Variants in MYO1D observed in about 807,000 individuals in gnomAD.
MYO1D encodes unconventional myosin-Id.
Under a neutral mutation model 122.0 loss-of-function variants are expected in MYO1D, and 83 were observed. That is an observed-to-expected ratio of 0.68 (90% CI 0.57 to 0.82). The LOEUF is 0.82. MYO1D is among the 40% of genes least tolerant of loss of function. The pLI is 0.00. For synonymous variants in MYO1D, 464 were observed against 446.9 expected, an observed-to-expected ratio of 1.04 and a Z score of -0.48; for missense variants, 1,157 against 1,269.5, an observed-to-expected ratio of 0.91 and a Z score of 1.35.
chr17:32,700,859 G>A (rs1337445152), intron 16 of MYO1D, among the ~76,000 whole-genome samples: 2 of 150,420 alleles, frequency 1.3e-5, no homozygotes, highest in African/African-American at 2.4e-5. Flanking sequence ...CAGGAGAATC[G>A]CTTGAACCCA....
At chr17:32,716,490 T>C (rs1302804122) in intron 15 of MYO1D, among the ~76,000 whole-genome samples, 1 of 152,190 alleles carries the variant, frequency 6.6e-6, no homozygotes, top group Non-Finnish European at 1.5e-5. Context: ...AGGCAATAGA[T>C]ATTTGCAGAA....
At chr17:32,675,505 TATA>T (rs1476701211) in intron 16 of MYO1D, among the ~76,000 whole-genome samples, 5 of 152,172 alleles carry the variant, frequency 3.3e-5, no homozygotes, top group Non-Finnish European at 7.4e-5. Context: ...AATTGAGTTA[TATA>T]ATAACAATCA....
chr17:32,632,849 AT>A (rs2088039815), intron 20 of MYO1D, among the ~76,000 whole-genome samples: 1 of 152,148 alleles, frequency 6.6e-6, no homozygotes, highest in African/African-American at 2.4e-5. Flanking sequence ...GCACAAGGAT[AT>A]CTAACAGACC....
At chr17:32,511,928 T>A (rs1381658557) in intron 21 of MYO1D, among the ~76,000 whole-genome samples, 1 of 152,134 alleles carries the variant, frequency 6.6e-6, no homozygotes, top group Admixed American at 6.6e-5. Context: ...GTTAACAGGA[T>A]CCCAGTCCCT....
intron 2 of MYO1D, among the ~76,000 whole-genome samples, chr17:32,779,375 A>G (rs1469920660): frequency 6.6e-6 from 1 of 151,932 alleles, no homozygotes; most frequent in East Asian, 1.9e-4. Context: ...ATACTATACA[A>G]TTATTAAAAA....
intron 20 of MYO1D, among the ~76,000 whole-genome samples, chr17:32,616,848 C>T (rs2087775735): frequency 6.6e-6 from 1 of 152,124 alleles, no homozygotes; most frequent in South Asian, 2.1e-4. Context: ...AAAGGCAATG[C>T]AGCTTCTGCC....
Position 32,721,042 on chromosome 17 carries a change from A to G in MYO1D, c.1894T>C (p.Tyr632His). 1.2e-6 allele frequency: 2 copies of G among 1,614,124 alleles called. No homozygotes were observed. Among genetic ancestry groups the G allele is most frequent in the Non-Finnish European group, 1.7e-6 (2 of 1,180,000 alleles). Residue 632 changes from tyrosine to histidine, a missense_variant, in exon 15 of 22, where the codon TAC becomes CAC. Physicochemically the swap from Tyr to His is moderately conservative, Grantham distance 83. Coordinates refer to ENST00000318217, the MANE Select transcript of MYO1D (RefSeq NM_015194.3). ...RRAGFAFRQT[Y>H]EKFLHRYKMI... The stretch of plus-strand genomic sequence containing the variant: ...TCTCACCTGTGAAGAAACTTCTCGT[A>G]TGTCTGGCGGAAGGCAAATCCTGCC...
At chr17:32,742,498 C>T (rs2089783908) in intron 13 of MYO1D, among the ~76,000 whole-genome samples, 1 of 152,234 alleles carries the variant, frequency 6.6e-6, no homozygotes. Context: ...AGTTAACAAA[C>T]ATCACCTCGT....
chr17:32,823,931 G>C (rs1008672726), intron 1 of MYO1D, among the ~76,000 whole-genome samples: 1 of 151,940 alleles, frequency 6.6e-6, no homozygotes, highest in Non-Finnish European at 1.5e-5. Context: ...GCGGGGCGTG[G>C]TGGTGGGCAC....
At chr17:32,609,296 A>G (rs992398909) in intron 20 of MYO1D, among the ~76,000 whole-genome samples, 1 of 152,200 alleles carries the variant, frequency 6.6e-6, no homozygotes, top group Non-Finnish European at 1.5e-5. Context: ...CCTGGCTACC[A>G]CAGGTGCTAT....
chr17:32,761,459 TTC>T (rs1025369970), intron 8 of MYO1D, among the ~76,000 whole-genome samples: 5 of 152,212 alleles, frequency 3.3e-5, no homozygotes, highest in African/African-American at 1.2e-4. Context: ...TGGAACACTC[TTC>T]TCTCTGGATT....
intron 1 of MYO1D, among the ~76,000 whole-genome samples, chr17:32,874,234 T>G (rs2091207214): frequency 6.6e-6 from 1 of 150,732 alleles, no homozygotes; most frequent in Non-Finnish European, 1.5e-5. Context: ...TTTTATCTTC[T>G]CTTTCTTTTC....
At position 32,611,614 on chromosome 17, in the gene MYO1D, G is replaced by A. The variant is rs146172988; in HGVS notation, c.2710-6373C>T. Among the ~76,000 whole-genome samples, 33 of 152,348 alleles carry A rather than the reference G, an allele frequency of 2.2e-4. No homozygotes were observed. The South Asian group carries it at 6.4e-3, about 30-fold the overall frequency. Reference sequence around the variant, plus strand: ...GACACTTTGGGAGGCCAAGACGGGAGGATCACTTGAGGTCAGGAGTTTGAG... The same window carrying A: ...GACACTTTGGGAGGCCAAGACGGGAAGATCACTTGAGGTCAGGAGTTTGAG... On this transcript the variant is annotated intron_variant, in intron 20 of 21. Coordinates refer to ENST00000318217, the MANE Select transcript of MYO1D (RefSeq NM_015194.3).
At chr17:32,728,180 C>CTAT (rs2089597628) in intron 14 of MYO1D, among the ~76,000 whole-genome samples, 1 of 151,308 alleles carries the variant, frequency 6.6e-6, no homozygotes. Context: ...CAAACTTGAC[C>CTAT]TAATGGACTT....
intron 21 of MYO1D, among the ~76,000 whole-genome samples, chr17:32,598,370 T>A (rs117542626): frequency 6.6e-6 from 1 of 152,170 alleles, no homozygotes; most frequent in Non-Finnish European, 1.5e-5. Context: ...CAAGACTCTG[T>A]TTCAAAAAAG....
At chr17:32,587,203 A>G (rs2087395530) in intron 21 of MYO1D, among the ~76,000 whole-genome samples, 1 of 152,190 alleles carries the variant, frequency 6.6e-6, no homozygotes, top group South Asian at 2.1e-4. Context: ...AACTAGGACA[A>G]TTCACTGAGT....
chr17:32,810,014 A>G (rs1316643195), intron 1 of MYO1D, among the ~76,000 whole-genome samples: 1 of 152,216 alleles, frequency 6.6e-6, no homozygotes, highest in African/African-American at 2.4e-5. Flanking sequence ...GGAAAAGGCC[A>G]GGACAAAGCA....
intron 17 of MYO1D, among the ~76,000 whole-genome samples, 199 bp from the exon 18 acceptor site, chr17:32,654,820 G>A (rs2088452811): frequency 6.6e-6 from 1 of 152,120 alleles, no homozygotes; most frequent in African/African-American, 2.4e-5. Flanking sequence ...TGGGATTACA[G>A]GTGTGTGCCA....
intron 1 of MYO1D, among the ~76,000 whole-genome samples, chr17:32,817,923 G>C (rs926531337): frequency 6.6e-6 from 1 of 151,116 alleles, no homozygotes; most frequent in Non-Finnish European, 1.5e-5. Flanking sequence ...TCAGGAGATC[G>C]AGACCATCCC....
Sources: gnomAD v4.1 joint callset for allele counts (sites outside exome capture counted in the v4.1 genomes callset) on GRCh38, gnomAD v4.1.1 for gene constraint, MANE v1.5 for transcripts, NCBI Gene and HGNC (gene_info 2026-07-23, HGNC 2026-07-21) for gene names.